NRG4: variants seen among roughly 807,000 people sequenced by gnomAD.
The protein encoded by NRG4 is pro-neuregulin-4, membrane-bound isoform.
Under a neutral mutation model 15.0 loss-of-function variants are expected in NRG4, and 10 were observed. That is an observed-to-expected ratio of 0.67 (90% confidence interval 0.41 to 1.13). NRG4 has a LOEUF of 1.13. Ranked by LOEUF, NRG4 falls within the 50% of genes most tolerant of loss-of-function variation. The pLI, the probability that NRG4 is intolerant of heterozygous loss-of-function variation, is 0.00. For synonymous variants in NRG4, 41 were observed against 50.1 expected (o/e 0.82, Z 0.77); for missense variants, 139 against 140.2 (o/e 0.99, Z 0.04).
intron 3 of NRG4, 103 bp downstream of exon 3, chr15:76,009,097 T>A (rs1290330186): frequency 5.2e-5 from 38 of 734,804 alleles, no homozygotes; most frequent in East Asian, 1.0e-4. Context: ...ATGCCTCACA[T>A]CTTTTCATCT....
upstream of NRG4, among the ~76,000 whole-genome samples, chr15:76,015,179 TG>T (rs2034937190): frequency 6.6e-6 from 1 of 152,210 alleles, no homozygotes; most frequent in African/African-American, 2.4e-5. Flanking sequence ...TTGTGATTTT[TG>T]CATACTGATT....
At position 75,943,190 on chromosome 15, in the gene NRG4, T is replaced by A. The variant is rs1438835041; in HGVS notation, c.*448A>T. The A allele has an allele frequency of 6.4e-6, 1 of 155,976 alleles. No individual in the cohort carries two copies. Among genetic ancestry groups the A allele is most frequent in the East Asian group, 1.9e-4 (1 of 5,366 alleles). The allele number at this position is 155,976 out of a possible 1,614,324, so 9.7% of individuals were successfully genotyped here. A position where few individuals can be genotyped will look rare whatever the true frequency, so the allele number is the denominator to read the frequency against. ...TCTAATTGCCAGGTGAAATGTCTTCTCAGTTTTTTCATCAGTACTTGCAGC... is the reference window on the plus strand; with the variant it reads ...TCTAATTGCCAGGTGAAATGTCTTCACAGTTTTTTCATCAGTACTTGCAGC... On this transcript the variant is annotated 3_prime_UTR_variant, in exon 6 of 6. Coordinates refer to ENST00000394907, the MANE Select transcript of NRG4 (RefSeq NM_138573.4).
intron 3 of NRG4, among the ~76,000 whole-genome samples, chr15:75,975,102 TA>T (rs2033304141): frequency 6.6e-6 from 1 of 152,240 alleles, no homozygotes; most frequent in East Asian, 1.9e-4. Context: ...TACCATTATG[TA>T]ATACCCTTCT....
chr15:76,041,963 G>C (rs962428417), intron 4 of NRG4, among the ~76,000 whole-genome samples: 1 of 152,068 alleles, frequency 6.6e-6, no homozygotes, highest in Non-Finnish European at 1.5e-5. Flanking sequence ...TTTAAAAATT[G>C]AAATAATATC....
chr15:75,987,680 C>A (rs1393558371), intron 3 of NRG4, among the ~76,000 whole-genome samples: 4 of 152,184 alleles, frequency 2.6e-5, no homozygotes, highest in African/African-American at 9.7e-5. Context: ...CTCCAGAAAT[C>A]GGAGAAGTTT....
chr15:75,983,200 A>AC (rs1307328074), intron 3 of NRG4, among the ~76,000 whole-genome samples: 2 of 152,296 alleles, frequency 1.3e-5, no homozygotes, highest in Non-Finnish European at 2.9e-5. Context: ...CGCTAATATA[A>AC]CTATCCTCAA....
At chr15:76,041,290 C>T (rs2035732315) in intron 4 of NRG4, among the ~76,000 whole-genome samples, 2 of 151,952 alleles carry the variant, frequency 1.3e-5, no homozygotes, top group Non-Finnish European at 2.9e-5. Context: ...AATAAAACGG[C>T]AAGAGTAAGT....
intron 2 of NRG4, among the ~76,000 whole-genome samples, chr15:76,056,407 G>A (rs529441232): frequency 3.5e-4 from 53 of 152,094 alleles, no homozygotes; most frequent in African/African-American, 1.1e-3. Flanking sequence ...GCAGTCAGCC[G>A]AGATTGCGCC....
chr15:75,974,404 C>T (rs1298782856), intron 3 of NRG4, among the ~76,000 whole-genome samples: 1 of 152,064 alleles, frequency 6.6e-6, no homozygotes, highest in Admixed American at 6.6e-5. Flanking sequence ...TTGTCTTCTG[C>T]TAGCTTTTGA....
intron 5 of NRG4, among the ~76,000 whole-genome samples, chr15:76,021,536 T>A (rs2035154994): frequency 6.6e-6 from 1 of 152,212 alleles, no homozygotes. Flanking sequence ...CTTGTACACA[T>A]ACACACACAC....
intron 3 of NRG4, among the ~76,000 whole-genome samples, chr15:75,986,010 CAAAAG>C (rs2033788661): frequency 1.3e-5 from 2 of 152,064 alleles, no homozygotes; most frequent in Non-Finnish European, 2.9e-5. Flanking sequence ...ACTGTTGACA[CAAAAG>C]GAAACACATA....
chr15:76,019,586 T>C (rs62027610), intron 5 of NRG4, among the ~76,000 whole-genome samples: 73 of 152,308 alleles, frequency 4.8e-4, no homozygotes, highest in Non-Finnish European at 9.3e-4. Flanking sequence ...TGGCTTCCCT[T>C]GGCTAGGGGG....
At chr15:75,937,813 G>C (rs335722), downstream of NRG4, 149,121 of 152,292 alleles carry the variant, frequency 0.98, 73,085 homozygotes, top group East Asian at 1. Flanking sequence ...AAGGTCACAT[G>C]TTTGTTTTGC....
chr15:75,997,873 A>G (rs979273082), intron 3 of NRG4, among the ~76,000 whole-genome samples: 2 of 152,096 alleles, frequency 1.3e-5, no homozygotes, highest in South Asian at 2.1e-4. Flanking sequence ...CCCATACTCT[A>G]CTGTCCAGAA....
In NRG4 at chr15:76,050,436, C is replaced by G. The variant is rs1018642244; in HGVS notation, c.-105+1631G>C. 2.8e-4 allele frequency among the ~76,000 whole-genome samples: 34 copies of G among 121,984 alleles called. 1 individual carries two copies. Among genetic ancestry groups the G allele is most frequent in the Non-Finnish European group, 5.5e-4 (32 of 58,256 alleles). 80.0% of individuals were successfully genotyped at this position (121,984 alleles called of 152,430 possible). A position where few individuals can be genotyped will look rare whatever the true frequency, so the allele number is the denominator to read the frequency against. ...AAGCATTATTGTCACCCCGAGCCTT[C>G]GTTTTTTTTTTTTTTTTTTTTTTGA... is the stretch of plus-strand genomic sequence containing the variant. On this transcript the variant is annotated intron_variant, in intron 4 of 8. Coordinates refer to the NRG4 transcript ENST00000563910.
Position 75,943,476 on chromosome 15 carries a change from A to G in NRG4, c.*162T>C, listed in dbSNP as rs1264290556. The G allele has an allele frequency of 5.0e-6, 3 of 602,398 alleles. No individual in the cohort carries two copies. Among genetic ancestry groups the G allele is most frequent in the Admixed American group, 3.1e-5 (1 of 32,702 alleles). The allele number at this position is 602,398 out of a possible 1,614,324, so 37.3% of individuals were successfully genotyped here. ...ATGGACTGATGCACATTACAGAAGC[A>G]CACACACCTTGCAGCAGAATGGATT... is the stretch of plus-strand genomic sequence containing the variant. On this transcript the variant is annotated 3_prime_UTR_variant, in exon 6 of 6. Transcript: ENST00000394907.
At chr15:75,959,371 T>C (rs2032403276) in intron 4 of NRG4, among the ~76,000 whole-genome samples, 3 of 152,204 alleles carry the variant, frequency 2.0e-5, no homozygotes, top group Admixed American at 2.0e-4. Flanking sequence ...ATATTAGATA[T>C]GTATTTCTGG....
chr15:75,991,628 ATT>A (rs201392257), intron 3 of NRG4, among the ~76,000 whole-genome samples: 4 of 145,266 alleles, frequency 2.8e-5, no homozygotes, highest in Non-Finnish European at 3.0e-5. Flanking sequence ...TCCTTAGTGA[ATT>A]TTTTTTTTTT....
chr15:76,044,029 C>T (rs577658521), intron 4 of NRG4, among the ~76,000 whole-genome samples: 33 of 152,130 alleles, frequency 2.2e-4, no homozygotes, highest in African/African-American at 7.0e-4. Context: ...CTCGCTCTGT[C>T]GCCCAGGCGG....
Sources: gnomAD v4.1 joint callset for allele counts (sites outside exome capture counted in the v4.1 genomes callset) on GRCh38, gnomAD v4.1.1 for gene constraint, MANE v1.5 for transcripts, NCBI Gene and HGNC (gene_info 2026-07-23, HGNC 2026-07-21) for gene names.